The following TRMT1L variants were observed in gnomAD, a reference collection of about 807,000 sequenced individuals.
TRMT1L encodes tRNA methyltransferase 1L.
A neutral mutation model predicts 81.6 loss-of-function variants in TRMT1L; 28 were observed. The observed-to-expected ratio is 0.34, with a 90% CI of 0.25 to 0.47. TRMT1L has a LOEUF of 0.47. Ranked by LOEUF, TRMT1L falls within the 20% of genes least tolerant of loss-of-function variation. The pLI is 1.00. For synonymous variants in TRMT1L, 301 were observed against 303.2 expected (o/e 0.99, Z 0.07); for missense variants, 739 against 877.1 (o/e 0.84, Z 1.99).
intron 12 of TRMT1L, 48 bp from the exon 13 acceptor site, chr1:185,123,967 T>C (rs1212276447): frequency 1.9e-6 from 2 of 1,068,726 alleles, no homozygotes; most frequent in Non-Finnish European, 1.3e-6. Context: ...CAGAATGACA[T>C]AAAGCAACAA....
intron 7 of TRMT1L, among the ~76,000 whole-genome samples, chr1:185,140,813 T>C (rs1571351649): frequency 6.6e-6 from 1 of 151,412 alleles, no homozygotes; most frequent in East Asian, 1.9e-4. Flanking sequence ...TCCCTATCTC[T>C]ACAGAAAAAT....
In TRMT1L at chr1:185,143,199, T is replaced by C. The variant is rs555816091; in HGVS notation, c.859+158A>G. 4.6e-5 allele frequency among the ~76,000 whole-genome samples: 7 copies of C among 152,292 alleles called. No homozygotes were observed. The East Asian group carries it at 1.3e-3, about 29-fold the overall frequency. On this transcript the variant is annotated intron_variant, in intron 7 of 14. Coordinates refer to ENST00000367506, the MANE Select transcript of TRMT1L (RefSeq NM_030934.5). ...TGGATACACAGAGACTCACTTATTA[T>C]ACTCTAATATACATTTAAAATTTTT... is the stretch of plus-strand genomic sequence containing the variant.
intron 3 of TRMT1L, among the ~76,000 whole-genome samples, chr1:185,149,586 G>A (rs764006368): frequency 6.6e-6 from 1 of 151,868 alleles, no homozygotes; most frequent in Non-Finnish European, 1.5e-5. Flanking sequence ...TTACAGGTAT[G>A]AGCCACTGTG....
intron 3 of TRMT1L, 135 bp downstream of exon 3, chr1:185,150,243 AT>A (rs1473560975): frequency 1.6e-6 from 1 of 637,552 alleles, no homozygotes; most frequent in Non-Finnish European, 2.7e-6. Context: ...TATTAAATAC[AT>A]TAGAAATGAG....
rs1652451501 is a variant in TRMT1L, at chr1:185,119,803, C to G, written c.*216G>C. ...AGACTTGGCTTCATATGAAATGTTT[C>G]CATTAAAATTTTAAGTTTGCCTTAA... On this transcript the variant is annotated 3_prime_UTR_variant, in exon 15 of 15. Transcript: ENST00000367506. 2.2e-6 allele frequency: 1 copy of G among 464,566 alleles called. No homozygotes were observed. The highest frequency in any genetic ancestry group is 2.0e-5 in the African/African-American group (1 of 51,214). The allele number at this position is 464,566 out of a possible 1,614,324, so 28.8% of individuals were successfully genotyped here.
Position 185,156,678 on chromosome 1 carries a change from A to C in TRMT1L, c.35T>G (p.Leu12Arg), listed in dbSNP as rs776031606. 4.3e-6 allele frequency: 7 copies of C among 1,612,092 alleles called. No individual in the cohort carries two copies. In the Admixed American group the frequency reaches 1.2e-4, roughly 27 times the overall value. Reference protein sequence around the residue: ...ENMAEEELLPLEKEEVEVAQV... With the variant: ...ENMAEEELLPREKEEVEVAQV... ...GGCCACCTCCACCTCCTCCTTCTCCAGGGGCAGCAGCTCCTCCTCCGCCAT... is the reference window on the plus strand; with the variant it reads ...GGCCACCTCCACCTCCTCCTTCTCCCGGGGCAGCAGCTCCTCCTCCGCCAT... The change falls in exon 1 of 15, where the codon CTG becomes CGG. Residue 12 changes from leucine to arginine, a missense_variant. Leu to Arg is a moderately radical substitution (Grantham distance 102). Transcript: ENST00000367506.
chr1:185,133,686 C>G (rs1652828478), intron 10 of TRMT1L, among the ~76,000 whole-genome samples: 1 of 150,766 alleles, frequency 6.6e-6, no homozygotes, highest in Admixed American at 6.6e-5. Flanking sequence ...CAGCCTTGAA[C>G]TACTGGGTTC....
chr1:185,139,340 C>G (rs1391620977), intron 9 of TRMT1L, 27 bp downstream of exon 9: 2 of 1,587,982 alleles, frequency 1.3e-6, no homozygotes, highest in South Asian at 1.1e-5. Context: ...CTGAAACACA[C>G]TAAGTACACT....
Position 185,156,657 on chromosome 1 carries a change from A to G in TRMT1L, c.56T>C (p.Val19Ala), listed in dbSNP as rs776836061. The change falls in exon 1 of 15, where the codon GTG (valine) becomes GCG (alanine). Residue 19 changes from valine (V) to alanine (A), a missense_variant. Coordinates refer to ENST00000367506, the MANE Select transcript of TRMT1L (RefSeq NM_030934.5). Reference sequence around the variant, plus strand: ...CGGGGTCGGGACCTGGACCTGGGCCACCTCCACCTCCTCCTTCTCCAGGGG... The same window carrying G: ...CGGGGTCGGGACCTGGACCTGGGCCGCCTCCACCTCCTCCTTCTCCAGGGG... Reference protein sequence around the residue: ...LLPLEKEEVEVAQVQVPTPAR... With the variant: ...LLPLEKEEVEAAQVQVPTPAR... 1 of 1,610,498 alleles carries G rather than the reference A, an allele frequency of 6.2e-7. No homozygotes were observed. The highest frequency in any genetic ancestry group is 1.7e-5 in the Admixed American group (1 of 59,720).
At chr1:185,147,060 C>CA in intron 4 of TRMT1L, 122 bp downstream of exon 4, 1 of 526,840 alleles carries the variant, frequency 1.9e-6, no homozygotes, top group South Asian at 3.4e-5. Flanking sequence ...TGAAAGGACT[C>CA]AGAGAATTTT....
At chr1:185,128,600 TA>T in intron 11 of TRMT1L, 68 bp downstream of exon 11, 2 of 1,437,308 alleles carry the variant, frequency 1.4e-6, no homozygotes, top group Non-Finnish European at 9.7e-7. Flanking sequence ...CCACACATAA[TA>T]AAAATCAGCA....
chr1:185,137,041 T>C (rs1278730184), intron 10 of TRMT1L, among the ~76,000 whole-genome samples: 1 of 151,768 alleles, frequency 6.6e-6, no homozygotes, highest in Non-Finnish European at 1.5e-5. Flanking sequence ...CTTAACATAG[T>C]AAGTGCTAAA....
Position 185,150,395 on chromosome 1 carries a change from G to A in TRMT1L, c.444C>T (p.Val148=), listed in dbSNP as rs745997687. 1.2e-6 allele frequency: 2 copies of A among 1,612,486 alleles called. No individual in the cohort carries two copies. Among genetic ancestry groups the A allele is most frequent in the African/African-American group, 2.7e-5 (2 of 74,868 alleles). The part of the protein sequence containing the change: ...RRHLQNLHWK[V]SVEFEGYRMC... ...AATACTAACCTTCAAATTCAACTGA[G>A]ACTTTCCAGTGTAAATTCTGGAGGT... The change falls in exon 3 of 15, where the codon GTC becomes GTT. Residue 148 remains valine, a synonymous_variant. Coordinates refer to ENST00000367506, the MANE Select transcript of TRMT1L (RefSeq NM_030934.5).
At chr1:185,121,600 G>A (rs1652501308) in intron 13 of TRMT1L, among the ~76,000 whole-genome samples, 1 of 152,118 alleles carries the variant, frequency 6.6e-6, no homozygotes, top group African/African-American at 2.4e-5. Context: ...ATTATAATTT[G>A]AAATCTAAAA....
At chr1:185,141,088 G>T (rs899075513) in intron 7 of TRMT1L, among the ~76,000 whole-genome samples, 3 of 151,990 alleles carry the variant, frequency 2.0e-5, no homozygotes, top group Admixed American at 6.6e-5. Flanking sequence ...AAGTCATAAG[G>T]GACATTCATT....
At chr1:185,140,296 TCA>T in intron 7 of TRMT1L, 74 bp from the exon 8 acceptor site, 2 of 1,186,008 alleles carry the variant, frequency 1.7e-6, no homozygotes, top group East Asian at 2.6e-5. Flanking sequence ...ATAACAACAT[TCA>T]GTTTTATAAA....
At position 185,118,541 on chromosome 1, in the gene TRMT1L, A is replaced by G. The variant is rs970478733; in HGVS notation, c.*1478T>C. On this transcript the variant is annotated 3_prime_UTR_variant, in exon 15 of 15. Coordinates refer to ENST00000367506, the MANE Select transcript of TRMT1L (RefSeq NM_030934.5). Reference sequence around the variant, plus strand: ...CTGGATTTATAGTAATTTTTAATTGAAAAAAACCTCATTTATTCTGCTCAT... The same window carrying G: ...CTGGATTTATAGTAATTTTTAATTGGAAAAAACCTCATTTATTCTGCTCAT... The G allele has an allele frequency of 9.2e-5, 14 of 152,068 alleles. No homozygotes were observed. Among genetic ancestry groups the G allele is most frequent in the Non-Finnish European group, 2.1e-4 (14 of 67,988 alleles). 9.4% of individuals were successfully genotyped at this position (152,068 alleles called of 1,614,324 possible). A position where few individuals can be genotyped will look rare whatever the true frequency, so the allele number is the denominator to read the frequency against.
Position 185,145,701 on chromosome 1 carries a change from T to G in TRMT1L, c.526-133A>C, listed in dbSNP as rs993121603. ...TAATTTTAATTTTGCCATGTGACTT[T>G]GAAGTATCTTAACTTCCTTACCTGC... On this transcript the variant is annotated intron_variant, in intron 4 of 14. Coordinates refer to ENST00000367506, the MANE Select transcript of TRMT1L (RefSeq NM_030934.5). 3 of 802,012 alleles carry G rather than the reference T, an allele frequency of 3.7e-6. No homozygotes were observed. In the Admixed American group the frequency reaches 8.6e-5, roughly 23 times the overall value. 49.7% of individuals were successfully genotyped at this position (802,012 alleles called of 1,614,324 possible).
rs1339841113 is a variant in TRMT1L, at chr1:185,151,641, C to G, written c.346+184G>C. On this transcript the variant is annotated intron_variant, in intron 2 of 14. Transcript: ENST00000367506. ...ATTTTCTTGAGGAGTTGTAAAATAA[C>G]TTATTTCCATAGCAACTTTGCACAT... 2.0e-5 allele frequency among the ~76,000 whole-genome samples: 3 copies of G among 152,238 alleles called. No individual in the cohort carries two copies. In the East Asian group the frequency reaches 5.8e-4, roughly 29 times the overall value.
Sources: allele counts gnomAD v4.1 joint callset (sites outside exome capture counted in the v4.1 genomes callset), GRCh38; gene constraint gnomAD v4.1.1; transcripts MANE v1.5; gene names NCBI Gene and HGNC (gene_info 2026-07-23, HGNC 2026-07-21).